The following ABCF3 variants were observed in gnomAD, a reference collection of about 807,000 sequenced individuals.
The protein encoded by ABCF3 is ATP-binding cassette sub-family F member 3.
A neutral mutation model predicts 94.3 loss-of-function variants in ABCF3; 62 were observed. That is an observed-to-expected ratio of 0.66 (90% confidence interval 0.54 to 0.81). ABCF3 has a LOEUF of 0.81. Among genes scored for constraint, ABCF3 ranks in the 40% least tolerant of loss-of-function variants. The pLI, the probability that ABCF3 is intolerant of heterozygous loss-of-function variation, is 0.00. For synonymous variants in ABCF3, 355 were observed against 361.1 expected (o/e 0.98, Z 0.19); for missense variants, 843 against 925.3 (o/e 0.91, Z 1.15).
rs1715765924 is a variant in ABCF3 at position 184,188,186 on chromosome 3, T to C, written c.615T>C (p.Arg205=). ...ATGTGAACCTGGCATGGGGCCGCCG[T>C]TACGGGCTGGTGGGGCGGAATGGGT... The part of the protein sequence containing the change: ...GADVNLAWGR[R]YGLVGRNGLG... The change falls in exon 7 of 21, where the codon CGT becomes CGC. Residue 205 remains arginine, a synonymous_variant. Transcript: ENST00000429586. 1.2e-6 allele frequency: 2 copies of C among 1,614,068 alleles called. No individual in the cohort carries two copies. The highest frequency in any genetic ancestry group is 1.7e-6 in the Non-Finnish European group (2 of 1,180,046).
In ABCF3 at chr3:184,186,686, C is replaced by T. The variant is rs1004426132; in HGVS notation, c.221+32C>T. 4 of 1,591,054 alleles carry T rather than the reference C, an allele frequency of 2.5e-6. No homozygotes were observed. In the South Asian group the frequency reaches 4.5e-5, roughly 18 times the overall value. The stretch of plus-strand genomic sequence containing the variant: ...GCCAGGGAGTAGGGGTTGATGGGGG[C>T]GAAGGGACGGCGAACGGTCCGGAGA... On this transcript the variant is annotated intron_variant, in intron 2 of 20. Transcript: ENST00000429586.
Position 184,189,697 on chromosome 3 carries a change from G to A in ABCF3, c.1254G>A (p.Glu418=), listed in dbSNP as rs761704503. Residue 418 remains glutamate (E), a synonymous_variant, in exon 13 of 21, where the codon GAG becomes GAA. Coordinates refer to ENST00000429586, the MANE Select transcript of ABCF3 (RefSeq NM_018358.3). ...AGACCTTCATCAAGAGTAAGCAGGA[G>A]CGGCTGCTCAACCAGCAGCGTGAAT... ...DFETFIKSKQ[E]RLLNQQREYE... is the part of the protein sequence containing the mutation. 1 of 1,614,144 alleles carries A rather than the reference G, an allele frequency of 6.2e-7. No individual in the cohort carries two copies. The highest frequency in any genetic ancestry group is 1.1e-5 in the South Asian group (1 of 91,086).
At chr3:184,186,463 C>A (rs373112411) in intron 1 of ABCF3, 44 bp from the exon 2 acceptor site, 2 of 1,586,760 alleles carry the variant, frequency 1.3e-6, no homozygotes, top group Non-Finnish European at 1.7e-6. Flanking sequence ...GCTTGTGTGT[C>A]CACCCTACCC....
chr3:184,188,980 GCCCAC>G lies in ABCF3; in HGVS notation c.972_976del (p.Thr325GlyfsTer19). 6.2e-7 allele frequency: 1 copy of G among 1,614,238 alleles called. No individual in the cohort carries two copies. Among genetic ancestry groups the G allele is most frequent in the Non-Finnish European group, 8.5e-7 (1 of 1,180,042 alleles). On this transcript the variant is annotated frameshift_variant, in exon 9 of 21. Transcript: ENST00000429586. LOFTEE classifies it high-confidence loss of function. ...GCTTTACCCCTAAAATGCAGCAGCA[GCCCAC>G]CCGGTGAGTGACCCTTGCCATTCTT...
chr3:184,192,744 G>A, intron 17 of ABCF3, 55 bp downstream of exon 17: 1 of 1,610,048 alleles, frequency 6.2e-7, no homozygotes, highest in African/African-American at 1.3e-5. Context: ...CACCCATGCT[G>A]CCTGCGCTCC....
chr3:184,191,812 A>G (rs1313996444), intron 16 of ABCF3, among the ~76,000 whole-genome samples: 1 of 145,812 alleles, frequency 6.9e-6, no homozygotes, highest in Non-Finnish European at 1.5e-5. Flanking sequence ...CAATGGCACA[A>G]TCTTGGCTCA....
chr3:184,186,513 T>G lies in ABCF3; in HGVS notation c.80T>G (p.Leu27Trp). 2 of 1,611,178 alleles carry G rather than the reference T, an allele frequency of 1.2e-6. No individual in the cohort carries two copies. The highest frequency in any genetic ancestry group is 1.7e-6 in the Non-Finnish European group (2 of 1,178,398). Residue 27 changes from leucine (L) to tryptophan (W), a missense_variant, in exon 2 of 21, where the codon TTG (leucine) becomes TGG (tryptophan). By Grantham distance (61) the Leu-to-Trp change is moderately conservative. Coordinates refer to ENST00000429586, the MANE Select transcript of ABCF3 (RefSeq NM_018358.3). ...TCTACCACGCCCTGCCCAGGCGTCTTGCACAGCGGCAGCGCGGACTTCGAG... is the reference window on the plus strand; with the variant it reads ...TCTACCACGCCCTGCCCAGGCGTCTGGCACAGCGGCAGCGCGGACTTCGAG... The part of the protein sequence containing the change: ...GQVFDYVTGV[L>W]HSGSADFESV...
chr3:184,193,747 C>T lies in ABCF3; in HGVS notation c.*49C>T. ...CAGGACATGGACTGGTCTCTCAGACCCCTGGGCCACCATGTAGGCCACCAC... is the reference window on the plus strand; with the variant it reads ...CAGGACATGGACTGGTCTCTCAGACTCCTGGGCCACCATGTAGGCCACCAC... On this transcript the variant is annotated 3_prime_UTR_variant, in exon 21 of 21. Transcript: ENST00000429586. The surrounding 1 kb of genome is among the most constrained non-coding windows in gnomAD (Gnocchi z 5.2). 1 of 1,512,762 alleles carries T rather than the reference C, an allele frequency of 6.6e-7. No homozygotes were observed. The highest frequency in any genetic ancestry group is 1.3e-5 in the South Asian group (1 of 77,788). 93.7% of individuals were successfully genotyped at this position (1,512,762 alleles called of 1,614,324 possible).
In ABCF3 at chr3:184,186,646, T is replaced by A; in HGVS notation, c.213T>A (p.Thr71=). ...IRAVCQRMYN[T]LRLAEPQSQG... ...CCGTGTGCCAGCGCATGTACAACAC[T>A]CTGCGTCTGTATGTGCCAGGGAGTA... Residue 71 remains threonine (T), a synonymous_variant, in exon 2 of 21, where the codon ACT becomes ACA. Coordinates refer to ENST00000429586, the MANE Select transcript of ABCF3 (RefSeq NM_018358.3). 1 of 1,608,296 alleles carries A rather than the reference T, an allele frequency of 6.2e-7. No individual in the cohort carries two copies. Among genetic ancestry groups the A allele is most frequent in the Non-Finnish European group, 8.5e-7 (1 of 1,176,658 alleles).
Position 184,188,413 on chromosome 3 carries a change from G to T in ABCF3, c.836+6G>T. ...GCCCAGATTGCTGCTGGCAGGTGAG[G>T]ACTCCCGGCTAGGGAGTAACTAGCA... On this transcript the variant is annotated splice_donor_region_variant and intron_variant, in intron 7 of 20. Transcript: ENST00000429586. The T allele has an allele frequency of 6.2e-7, 1 of 1,602,532 alleles. No homozygotes were observed. The highest frequency in any genetic ancestry group is 1.7e-5 in the Admixed American group (1 of 59,862).
chr3:184,191,176 T>C lies in ABCF3; in HGVS notation c.1490T>C (p.Val497Ala). Residue 497 changes from valine (V) to alanine (A), a missense_variant, in exon 16 of 21, where the codon GTG (valine) becomes GCG (alanine). Transcript: ENST00000429586. ...CCGCCAATTCTGCAGCTAGATGAGGTGGATTTCTACTACGATCCGAAGCAC... is the reference window on the plus strand; with the variant it reads ...CCGCCAATTCTGCAGCTAGATGAGGCGGATTTCTACTACGATCCGAAGCAC... ...FSPPILQLDEVDFYYDPKHVI... is the reference protein window; with the variant it reads ...FSPPILQLDEADFYYDPKHVI... The C allele has an allele frequency of 6.2e-7, 1 of 1,614,130 alleles. No individual in the cohort carries two copies. The highest frequency in any genetic ancestry group is 8.5e-7 in the Non-Finnish European group (1 of 1,180,024).
In ABCF3 at chr3:184,188,346, A is replaced by C. The variant is rs148862810; in HGVS notation, c.775A>C (p.Ser259Arg). Residue 259 changes from serine (S) to arginine (R), a missense_variant, in exon 7 of 21, where the codon AGT becomes CGT. Ser to Arg is a moderately radical substitution (Grantham distance 110). Transcript: ENST00000429586. The stretch of plus-strand genomic sequence containing the variant: ...CCTGCAGAGTGTGCTGGAGAGTGAC[A>C]GTGTGCGAGAGGATTTGCTACGGAG... ...PALQSVLESDSVREDLLRRER... is the reference protein window; with the variant it reads ...PALQSVLESDRVREDLLRRER... The C allele has an allele frequency of 7.4e-6, 12 of 1,613,740 alleles. No individual in the cohort carries two copies. The African/African-American group carries it at 1.5e-4, about 20-fold the overall frequency.
chr3:184,190,872 T>A (rs1715974220), intron 14 of ABCF3, 127 bp from the exon 15 acceptor site: 4 of 1,122,416 alleles, frequency 3.6e-6, no homozygotes, highest in African/African-American at 3.2e-5. Flanking sequence ...AAGAATGGAC[T>A]CTAAAGTAAT....
In ABCF3 at chr3:184,187,189, T is replaced by TCTATGC. The variant is rs1560132271; in HGVS notation, c.302-208_302-207insCTATGC. The TCTATGC allele has an allele frequency of 4.0e-5, 27 of 676,718 alleles. 1 individual carries two copies. The highest frequency in any genetic ancestry group is 5.9e-5 in the Non-Finnish European group (23 of 392,614). 41.9% of individuals were successfully genotyped at this position (676,718 alleles called of 1,614,324 possible). On this transcript the variant is annotated intron_variant, in intron 3 of 20. Coordinates refer to ENST00000429586, the MANE Select transcript of ABCF3 (RefSeq NM_018358.3). ...AGAGTTGGTTATCTGTCCCCAGCCT[T>TCTATGC]GTCTATGCCTCTGTATCCTTCTACG...
chr3:184,192,974 C>T, intron 18 of ABCF3, 78 bp downstream of exon 18: 2 of 1,588,124 alleles, frequency 1.3e-6, no homozygotes, highest in South Asian at 2.3e-5. Context: ...CTAGGCCTGC[C>T]TTGGGGTGCG....
At position 184,189,541 on chromosome 3, in the gene ABCF3, T is replaced by C. The variant is rs924999807; in HGVS notation, c.1114-16T>C. ...CTGCCCTCCCAAACCGGGCCTGCTG[T>C]CCTGTGACCCCTCAGACGTGGCCCT... On this transcript the variant is annotated splice_polypyrimidine_tract_variant and intron_variant, in intron 12 of 20. Coordinates refer to ENST00000429586, the MANE Select transcript of ABCF3 (RefSeq NM_018358.3). The C allele has an allele frequency of 1.2e-6, 2 of 1,613,852 alleles. No individual in the cohort carries two copies. The highest frequency in any genetic ancestry group is 1.7e-5 in the Admixed American group (1 of 59,974).
At position 184,189,143 on chromosome 3, in the gene ABCF3, A is replaced by T; in HGVS notation, c.1033A>T (p.Arg345Trp). Residue 345 changes from arginine to tryptophan, a missense_variant and splice_region_variant, in exon 10 of 21, where the codon AGG becomes TGG. By Grantham distance (101) the Arg-to-Trp change is moderately radical (BLOSUM62 -3). Transcript: ENST00000429586. ...GGCCCTGGCCCGGGCCCTCTTTGCT[A>T]GGTGAGTCTCCTGGGCCAGTGTATG... ...RLALARALFA[R>W]PDLLLLDEPT... 6.2e-7 allele frequency: 1 copy of T among 1,614,128 alleles called. No individual in the cohort carries two copies. Among genetic ancestry groups the T allele is most frequent in the Non-Finnish European group, 8.5e-7 (1 of 1,180,010 alleles).
chr3:184,189,499 G>T, intron 12 of ABCF3, 56 bp downstream of exon 12: 1 of 1,613,866 alleles, frequency 6.2e-7, no homozygotes, highest in South Asian at 1.1e-5. Flanking sequence ...CAAGATACCT[G>T]GGGGCCTGAG....
Position 184,193,297 on chromosome 3 carries a change from G to A in ABCF3, c.1883+63G>A. The A allele has an allele frequency of 6.2e-7, 1 of 1,610,966 alleles. No homozygotes were observed. Among genetic ancestry groups the A allele is most frequent in the Admixed American group, 1.7e-5 (1 of 59,828 alleles). On this transcript the variant is annotated intron_variant, in intron 19 of 20. Coordinates refer to ENST00000429586, the MANE Select transcript of ABCF3 (RefSeq NM_018358.3). The surrounding 1 kb of genome is among the most constrained non-coding windows in gnomAD (Gnocchi z 5.2). Reference sequence around the variant, plus strand: ...TCCCCTTCTTGCCCAGTAGAAAACTGTATCAGAAGGCTTTATTTTCTCTCA... The same window carrying A: ...TCCCCTTCTTGCCCAGTAGAAAACTATATCAGAAGGCTTTATTTTCTCTCA...
Sources: gnomAD v4.1 joint callset for allele counts (sites outside exome capture counted in the v4.1 genomes callset) on GRCh38, gnomAD v4.1.1 for gene constraint, Gnocchi (gnomAD v3.1) non-coding constraint, MANE v1.5 for transcripts, NCBI Gene and HGNC (gene_info 2026-07-23, HGNC 2026-07-21) for gene names.